The following BBS2 variants were observed in gnomAD, a reference collection of about 807,000 sequenced individuals.
BBS2 encodes the protein Bardet-Biedl syndrome 2, also known as BBSome complex member BBS2.
In BBS2, 62 loss-of-function variants were observed where a neutral mutation model predicts 83.0. The ratio of observed to expected loss-of-function variants is 0.75; its 90% CI spans 0.61 to 0.92. The LOEUF (loss-of-function observed/expected upper bound fraction) is 0.92, where lower values mean the gene tolerates loss of function less well. Among genes scored for constraint, BBS2 ranks in the 40% least tolerant of loss-of-function variants. The pLI, the probability that BBS2 is intolerant of heterozygous loss-of-function variation, is 0.00. For synonymous variants in BBS2, 303 were observed against 326.1 expected, an observed-to-expected ratio of 0.93 and a Z score of 0.76; for missense variants, 784 against 901.0, an observed-to-expected ratio of 0.87 and a Z score of 1.66.
At chr16:56,515,368 G>A (rs1964704496) in intron 1 of BBS2, among the ~76,000 whole-genome samples, 1 of 152,158 alleles carries the variant, frequency 6.6e-6, no homozygotes, top group Admixed American at 6.6e-5. Context: ...TCTTAAGAGG[G>A]GCGAGATCAC....
Position 56,500,987 on chromosome 16 carries a change from T to C in BBS2, c.1264A>G (p.Ile422Val), listed in dbSNP as rs1964254046. The change falls in exon 11 of 17, where the codon ATT (isoleucine) becomes GTT (valine). Residue 422 changes from isoleucine (I) to valine (V), a missense_variant. Physicochemically the swap from Ile to Val is conservative, Grantham distance 29. Transcript: ENST00000245157. ...IRAVLIFAEG[I>V]FTGESHVVHP... ...ACCACGTGGCTTTCACCTGTAAAAA[T>C]TCCTTCTGCAAAAATCAATACTGCT... The C allele has an allele frequency of 6.2e-7, 1 of 1,614,126 alleles. No homozygotes were observed. Among genetic ancestry groups the C allele is most frequent in the African/African-American group, 1.3e-5 (1 of 75,020 alleles).
intron 2 of BBS2, among the ~76,000 whole-genome samples, chr16:56,512,477 G>C (rs888069358): frequency 2.0e-4 from 30 of 152,132 alleles, no homozygotes; most frequent in Non-Finnish European, 4.4e-5. Flanking sequence ...ATCACCAAGA[G>C]AGTGGATAAA....
rs1005225752 is a variant in BBS2 at position 56,499,825 on chromosome 16, C to T, written c.1480G>A (p.Glu494Lys). Residue 494 changes from glutamate to lysine, a missense_variant, in exon 12 of 17, where the codon GAG becomes AAG. Glu to Lys is a moderately conservative substitution (Grantham distance 56). Coordinates refer to ENST00000245157, the MANE Select transcript of BBS2 (RefSeq NM_031885.5). ...YALTSLDPAS[E>K]PISYVNFTIA... ...GTAAAGTTAACATAACTGATTGGCT[C>T]ACTGGCAGGGTCCAGGCTGGTCAGC... is the stretch of plus-strand genomic sequence containing the variant. The T allele has an allele frequency of 4.3e-6, 7 of 1,614,158 alleles. No homozygotes were observed. Among genetic ancestry groups the T allele is most frequent in the Non-Finnish European group, 5.9e-6 (7 of 1,180,012 alleles).
At chr16:56,493,986 C>T (rs1964037517) in intron 15 of BBS2, among the ~76,000 whole-genome samples, 1 of 152,058 alleles carries the variant, frequency 6.6e-6, no homozygotes, top group African/African-American at 2.4e-5. Flanking sequence ...TTTAAGAGAT[C>T]TTGCTCTGTC....
chr16:56,500,903 C>T lies in BBS2; in HGVS notation c.1348G>A (p.Asp450Asn), dbSNP rs1964250912. The T allele has an allele frequency of 6.2e-7, 1 of 1,614,152 alleles. No homozygotes were observed. Among genetic ancestry groups the T allele is most frequent in the Non-Finnish European group, 8.5e-7 (1 of 1,180,028 alleles). Residue 450 changes from aspartate to asparagine, a missense_variant, in exon 11 of 17, where the codon GAT (aspartate) becomes AAT (asparagine). By Grantham distance (23) the Asp-to-Asn change is conservative. Coordinates refer to ENST00000245157, the MANE Select transcript of BBS2 (RefSeq NM_031885.5). ...SICIPIVPPK[D>N]VPVDLHLKAF... ...TTCAAGTGCAGATCCACAGGGACAT[C>T]TTTGGGAGGCACAATAGGGATGCAG...
In BBS2 at chr16:56,500,957, G is replaced by A; in HGVS notation, c.1294C>T (p.Pro432Ser). The A allele has an allele frequency of 1.2e-6, 2 of 1,614,118 alleles. No individual in the cohort carries two copies. The highest frequency in any genetic ancestry group is 2.2e-5 in the South Asian group (2 of 91,088). The change falls in exon 11 of 17, where the codon CCC (proline) becomes TCC (serine). Residue 432 changes from proline to serine, a missense_variant. By Grantham distance (74) the Pro-to-Ser change is moderately conservative. Coordinates refer to ENST00000245157, the MANE Select transcript of BBS2 (RefSeq NM_031885.5). Reference sequence around the variant, plus strand: ...GAACTGGAGAGGTTGTGAATGCTGGGATGTACCACGTGGCTTTCACCTGTA... The same window carrying A: ...GAACTGGAGAGGTTGTGAATGCTGGAATGTACCACGTGGCTTTCACCTGTA... ...IFTGESHVVH[P>S]SIHNLSSSIC... is the part of the protein sequence containing the mutation.
At chr16:56,470,764 G>A in intron 17 of BBS2, 1 of 1,600,456 alleles carries the variant, frequency 6.2e-7, no homozygotes, top group African/African-American at 1.3e-5. Flanking sequence ...GACAGACCCA[G>A]AGCCAGAGGA....
intron 15 of BBS2, among the ~76,000 whole-genome samples, chr16:56,495,212 T>G (rs2144124958): frequency 6.6e-6 from 1 of 152,230 alleles, no homozygotes; most frequent in African/African-American, 2.4e-5. Context: ...GTATTTCAAC[T>G]AATATATGAA....
In BBS2 at chr16:56,519,551, CA is replaced by C. The variant is rs201938044; in HGVS notation, c.117+194del. Reference sequence around the variant, plus strand: ...CAAGTGCCTGATGACAAGAAAACGTCAACTTCTCAGAAAAGCTCTTCCTCTA... The same window carrying C: ...CAAGTGCCTGATGACAAGAAAACGTCACTTCTCAGAAAAGCTCTTCCTCTA... On this transcript the variant is annotated intron_variant, in intron 1 of 16. Transcript: ENST00000245157. 750 of 583,646 alleles carry C rather than the reference CA, an allele frequency of 1.3e-3. 3 individuals carry two copies. Among genetic ancestry groups the C allele is most frequent in the African/African-American group, 0.012 (644 of 53,426 alleles). The allele number at this position is 583,646 out of a possible 1,614,324, so 36.2% of individuals were successfully genotyped here.
intron 1 of BBS2, chr16:56,519,478 C>G (rs1964854546): frequency 2.1e-6 from 1 of 477,614 alleles, no homozygotes; most frequent in Non-Finnish European, 3.8e-6. Flanking sequence ...CAGGAGACGT[C>G]TCTTTTCTAA....
chr16:56,502,574 A>T (rs1410635371), intron 8 of BBS2, 99 bp downstream of exon 8: 1 of 1,609,878 alleles, frequency 6.2e-7, no homozygotes, highest in Non-Finnish European at 8.5e-7. Flanking sequence ...TTAGAACTAC[A>T]GGATCTCGGT....
At position 56,476,122 on chromosome 16, in the gene BBS2, A is replaced by G. The variant is rs776071908; in HGVS notation, c.*1-5427T>C. The G allele has an allele frequency of 2.5e-6, 4 of 1,614,010 alleles. No individual in the cohort carries two copies. The South Asian group carries it at 4.4e-5, about 18-fold the overall frequency. On this transcript the variant is annotated intron_variant, in intron 17 of 17. Coordinates refer to the BBS2 transcript ENST00000682047. ...AGAGACTCTGAAATTTGTCAAGCAT[A>G]TTAACCACCGAAGCCTGGAACAAAA...
At chr16:56,501,544 A>G in intron 9 of BBS2, 47 bp from the exon 10 acceptor site, 1 of 1,613,030 alleles carries the variant, frequency 6.2e-7, no homozygotes, top group Non-Finnish European at 8.5e-7. Context: ...AAAACACTGA[A>G]CTAATATCAA....
intron 1 of BBS2, among the ~76,000 whole-genome samples, chr16:56,518,662 T>G (rs184127478): frequency 2.5e-4 from 26 of 102,334 alleles, no homozygotes; most frequent in Admixed American, 2.2e-3. Flanking sequence ...TAATAAAGTT[T>G]TGTGCCTGTT....
chr16:56,498,900 T>C, intron 12 of BBS2: 1 of 408,802 alleles, frequency 2.4e-6, no homozygotes, highest in Non-Finnish European at 4.4e-6. Context: ...TCAGGTATGA[T>C]GCTGATTCTG....
At chr16:56,473,956 G>A (rs913242575) in intron 17 of BBS2, among the ~76,000 whole-genome samples, 6 of 151,928 alleles carry the variant, frequency 3.9e-5, no homozygotes, top group East Asian at 1.9e-4. Context: ...ACAGGCACAC[G>A]CCACCATGCT....
chr16:56,478,611 T>C (rs1323135891), intron 17 of BBS2: 1 of 152,198 alleles, frequency 6.6e-6, no homozygotes, highest in Admixed American at 6.5e-5. Context: ...TGTGCCAAGC[T>C]TGGAAAATAG....
At chr16:56,489,804 GA>G (rs68044952) in intron 15 of BBS2, among the ~76,000 whole-genome samples, 29,928 of 143,906 alleles carry the variant, frequency 0.21, 3,148 homozygotes, top group Non-Finnish European at 0.25. Context: ...CCATCTCAAA[GA>G]AAAAAAAAAA....
At chr16:56,503,992 A>C (rs1466126352) in intron 7 of BBS2, among the ~76,000 whole-genome samples, 2 of 152,142 alleles carry the variant, frequency 1.3e-5, no homozygotes, top group Non-Finnish European at 2.9e-5. Flanking sequence ...AGCTACAGAA[A>C]ATCTAGCATA....
Sources: gnomAD v4.1 joint callset for allele counts (sites outside exome capture counted in the v4.1 genomes callset) on GRCh38, gnomAD v4.1.1 for gene constraint, MANE v1.5 for transcripts, NCBI Gene and HGNC (gene_info 2026-07-23, HGNC 2026-07-21) for gene names.